The following CEP120 variants were observed in gnomAD, a reference collection of about 807,000 sequenced individuals.
The protein encoded by CEP120 is centrosomal protein 120, also known as centrosomal protein of 120 kDa.
CEP120 carries 113 observed loss-of-function variants against 126.5 expected under a neutral mutation model. That is an observed-to-expected ratio of 0.89 (90% CI 0.77 to 1.04). The LOEUF (loss-of-function observed/expected upper bound fraction) is 1.04. CEP120 is among the 50% of genes least tolerant of loss of function. The pLI, the probability that CEP120 is intolerant of heterozygous loss-of-function variation, is 0.00. For synonymous variants in CEP120, 400 were observed against 394.3 expected (o/e 1.01, Z -0.17); for missense variants, 1,230 against 1,155.7 (o/e 1.06, Z -0.93).
intron 18 of CEP120, among the ~76,000 whole-genome samples, chr5:123,352,722 G>C (rs77252460): frequency 1.3e-5 from 2 of 151,930 alleles, no homozygotes; most frequent in Non-Finnish European, 2.9e-5. Context: ...AAAACCTGCT[G>C]AGATTTTATG....
chr5:123,392,318 T>G (rs1312182458), intron 6 of CEP120, among the ~76,000 whole-genome samples: 3 of 152,250 alleles, frequency 2.0e-5, no homozygotes, highest in African/African-American at 4.8e-5. Context: ...TTCAGTTTTC[T>G]AAATATCTTG....
intron 18 of CEP120, among the ~76,000 whole-genome samples, chr5:123,361,624 A>C (rs1258349435): frequency 6.6e-6 from 1 of 151,874 alleles, no homozygotes; most frequent in East Asian, 1.9e-4. Context: ...ACTGCATAAC[A>C]ATATCCCCCA....
chr5:123,412,888 T>C (rs547572309), intron 3 of CEP120, among the ~76,000 whole-genome samples: 84 of 152,366 alleles, frequency 5.5e-4, no homozygotes, highest in Middle Eastern at 3.4e-3. Context: ...ACCAGTTTTC[T>C]AATTCCCTAA....
At chr5:123,385,215 A>T in intron 10 of CEP120, 82 bp from the exon 11 acceptor site, 1 of 1,143,506 alleles carries the variant, frequency 8.7e-7, no homozygotes, top group South Asian at 1.7e-5. Flanking sequence ...GAATTCCCTC[A>T]ATGGAGTCAA....
At chr5:123,383,399 C>T (rs1368991003) in intron 11 of CEP120, among the ~76,000 whole-genome samples, 1 of 152,034 alleles carries the variant, frequency 6.6e-6, no homozygotes, top group Non-Finnish European at 1.5e-5. Context: ...GTTTATTTCC[C>T]TCCTGTTTTA....
At chr5:123,400,659 CTTTT>C (rs34109692) in intron 4 of CEP120, among the ~76,000 whole-genome samples, 1 of 88,972 alleles carries the variant, frequency 1.1e-5, no homozygotes, top group African/African-American at 4.6e-5. Context: ...ATATATATGG[CTTTT>C]TTTTTTTTTT....
At chr5:123,416,637 C>T (rs530020964) in intron 2 of CEP120, among the ~76,000 whole-genome samples, 31 of 152,028 alleles carry the variant, frequency 2.0e-4, no homozygotes, top group Non-Finnish European at 3.5e-4. Flanking sequence ...TATCTACTAA[C>T]CTCTACACCA....
intron 14 of CEP120, among the ~76,000 whole-genome samples, chr5:123,379,009 G>C (rs976816514): frequency 4.0e-5 from 6 of 151,682 alleles, no homozygotes; most frequent in South Asian, 2.1e-4. Context: ...GAAGACAGCG[G>C]AACACAACAG....
At chr5:123,385,173 T>C (rs1771933288) in intron 10 of CEP120, 40 bp from the exon 11 acceptor site, 5 of 1,467,350 alleles carry the variant, frequency 3.4e-6, no homozygotes, top group Non-Finnish European at 4.6e-6. Context: ...CTATCAACTC[T>C]GACCTAAAGT....
In CEP120 at chr5:123,378,430, TA is replaced by T; in HGVS notation, c.2104-3del. The T allele has an allele frequency of 7.5e-7, 1 of 1,326,038 alleles. No homozygotes were observed. The highest frequency in any genetic ancestry group is 1.0e-6 in the Non-Finnish European group (1 of 979,088). 82.1% of individuals were successfully genotyped at this position (1,326,038 alleles called of 1,614,324 possible). ...TTCTAGAATAGTATATTCAGCCACC[TA>T]AAATATAGTAAAAAAAAAAAAAAAA... On this transcript the variant is annotated splice_polypyrimidine_tract_variant and splice_region_variant and intron_variant, in intron 14 of 19. Transcript: ENST00000306467.
Position 123,346,291 on chromosome 5 carries a change from A to G in CEP120, c.*228T>C, listed in dbSNP as rs904436090. ...GATTATAAACTATGAAAAACACTGA[A>G]AAGTCATTTAAAATGAGTATATAAA... On this transcript the variant is annotated 3_prime_UTR_variant, in exon 20 of 20. Transcript: ENST00000306467. 3 of 410,794 alleles carry G rather than the reference A, an allele frequency of 7.3e-6. No homozygotes were observed. Among genetic ancestry groups the G allele is most frequent in the African/African-American group, 6.2e-5 (3 of 48,598 alleles). The allele number at this position is 410,794 out of a possible 1,614,324, so 25.4% of individuals were successfully genotyped here.
At chr5:123,369,800 A>G (rs1180859690) in intron 17 of CEP120, among the ~76,000 whole-genome samples, 1 of 152,050 alleles carries the variant, frequency 6.6e-6, no homozygotes, top group Non-Finnish European at 1.5e-5. Flanking sequence ...TATGTTTGAC[A>G]TAAACAAAAA....
At chr5:123,352,344 G>C (rs1769250288) in intron 18 of CEP120, among the ~76,000 whole-genome samples, 1 of 151,784 alleles carries the variant, frequency 6.6e-6, no homozygotes, top group Non-Finnish European at 1.5e-5. Flanking sequence ...TCCTATTTAA[G>C]ACATTTTTTT....
At chr5:123,406,090 TG>T (rs1403652464) in intron 4 of CEP120, among the ~76,000 whole-genome samples, 1 of 151,646 alleles carries the variant, frequency 6.6e-6, no homozygotes, top group African/African-American at 2.4e-5. Context: ...CATTAGTAGG[TG>T]GGACACAGGC....
intron 9 of CEP120, 73 bp from the exon 10 acceptor site, chr5:123,386,740 T>G (rs1186076651): frequency 4.2e-6 from 5 of 1,190,070 alleles, no homozygotes; most frequent in Non-Finnish European, 5.5e-6. Flanking sequence ...AGTCTGTTTT[T>G]TAGAAAAAAG....
At chr5:123,394,846 C>G (rs1772659329) in intron 5 of CEP120, among the ~76,000 whole-genome samples, 4 of 152,190 alleles carry the variant, frequency 2.6e-5, no homozygotes, top group Admixed American at 1.3e-4. Flanking sequence ...AGATCCCAAA[C>G]CCTAACTCTA....
chr5:123,402,751 A>G (rs1186193117), intron 4 of CEP120, among the ~76,000 whole-genome samples: 1 of 152,182 alleles, frequency 6.6e-6, no homozygotes, highest in East Asian at 1.9e-4. Flanking sequence ...AATGGTGTAT[A>G]TGTGCTATGG....
At chr5:123,378,822 G>T (rs931404904) in intron 14 of CEP120, among the ~76,000 whole-genome samples, 1 of 152,004 alleles carries the variant, frequency 6.6e-6, no homozygotes, top group African/African-American at 2.4e-5. Context: ...AGTCAGGGAT[G>T]GGGGTGCGTG....
At chr5:123,410,472 GACAA>G (rs905541780) in intron 4 of CEP120, among the ~76,000 whole-genome samples, 1 of 152,156 alleles carries the variant, frequency 6.6e-6, no homozygotes. Context: ...GTGTTGCATT[GACAA>G]ACAAATAGAC....
Sources: allele counts gnomAD v4.1 joint callset (sites outside exome capture counted in the v4.1 genomes callset), GRCh38; gene constraint gnomAD v4.1.1; transcripts MANE v1.5; gene names NCBI Gene and HGNC (gene_info 2026-07-23, HGNC 2026-07-21).